ASCC1: variants seen among roughly 807,000 people sequenced by gnomAD.
ASCC1 encodes the protein ASC-1 complex subunit P50.
Under a neutral mutation model 46.6 loss-of-function variants are expected in ASCC1, and 35 were observed. The observed-to-expected ratio is 0.75, with a 90% CI of 0.57 to 0.99. The LOEUF (loss-of-function observed/expected upper bound fraction) is 0.99. ASCC1 is among the 50% of genes least tolerant of loss of function. ASCC1 has a pLI of 0.00. For missense variants in ASCC1, 376 were observed against 428.7 expected, an observed-to-expected ratio of 0.88 and a Z score of 1.09; for synonymous variants, 143 against 146.6, an observed-to-expected ratio of 0.98 and a Z score of 0.18.
chr10:72,138,846 G>A (rs143844661), intron 7 of ASCC1, among the ~76,000 whole-genome samples: 7 of 152,110 alleles, frequency 4.6e-5, no homozygotes, highest in African/African-American at 1.4e-4. Flanking sequence ...GATTACAGGC[G>A]TGAGCCACCG....
intron 9 of ASCC1, among the ~76,000 whole-genome samples, chr10:72,110,026 A>C (rs896247121): frequency 2.4e-4 from 36 of 152,170 alleles, no homozygotes; most frequent in African/African-American, 6.3e-4. Flanking sequence ...TACCTGACAA[A>C]ACTGCCCCTG....
chr10:72,215,663 C>T (rs1427434956), intron 1 of ASCC1: 1 of 152,182 alleles, frequency 6.6e-6, no homozygotes, highest in African/African-American at 2.4e-5. Flanking sequence ...GCCCTCAGAC[C>T]ACGAGCTCCG....
intron 5 of ASCC1, among the ~76,000 whole-genome samples, chr10:72,168,750 C>A (rs1417637083): frequency 1.3e-5 from 2 of 152,148 alleles, no homozygotes; most frequent in African/African-American, 2.4e-5. Flanking sequence ...TGAGAAAGCA[C>A]AGAGAAAAGG....
At chr10:72,180,143 T>C (rs1330846142) in intron 5 of ASCC1, among the ~76,000 whole-genome samples, 1 of 151,898 alleles carries the variant, frequency 6.6e-6, no homozygotes, top group African/African-American at 2.4e-5. Context: ...GCCAGGCATG[T>C]TGGCACATGC....
At chr10:72,152,659 T>C (rs1201405836) in intron 7 of ASCC1, among the ~76,000 whole-genome samples, 1 of 151,938 alleles carries the variant, frequency 6.6e-6, no homozygotes, top group Non-Finnish European at 1.5e-5. Context: ...AAGACCCCCA[T>C]CCTAAAAGTC....
rs760451244 is a variant in ASCC1 at position 72,096,365 on chromosome 10, T to G, written c.*969A>C. ...AGTCCTGCTGATATCATCAGTTTCTTTTGCTGCTGCCTTGAAAAGTAAACA... is the reference window on the plus strand; with the variant it reads ...AGTCCTGCTGATATCATCAGTTTCTGTTGCTGCTGCCTTGAAAAGTAAACA... On this transcript the variant is annotated 3_prime_UTR_variant, in exon 10 of 10. Coordinates refer to ENST00000672957, the MANE Select transcript of ASCC1 (RefSeq NM_001198800.3). The G allele has an allele frequency of 2.6e-5, 12 of 453,960 alleles. No individual in the cohort carries two copies. The highest frequency in any genetic ancestry group is 4.7e-5 in the Admixed American group (2 of 42,544). The allele number at this position is 453,960 out of a possible 1,614,324, so 28.1% of individuals were successfully genotyped here. A position where few individuals can be genotyped will look rare whatever the true frequency, so the allele number is the denominator to read the frequency against.
chr10:72,127,960 AAAAAAAAAGTAT>A (rs1845081064), intron 9 of ASCC1, 110 bp downstream of exon 9: 2 of 838,368 alleles, frequency 2.4e-6, no homozygotes, highest in Non-Finnish European at 3.9e-6. Flanking sequence ...AGATAATTAA[AAAAAAAAAGTAT>A]GAGAAAAAGT....
At chr10:72,145,075 T>C (rs1847474346) in intron 7 of ASCC1, among the ~76,000 whole-genome samples, 1 of 152,230 alleles carries the variant, frequency 6.6e-6, no homozygotes, top group Non-Finnish European at 1.5e-5. Flanking sequence ...AATTCCAGGT[T>C]GCCAGTTGTT....
At chr10:72,184,353 T>C (rs1293932317) in intron 5 of ASCC1, among the ~76,000 whole-genome samples, 1 of 151,902 alleles carries the variant, frequency 6.6e-6, no homozygotes, top group African/African-American at 2.4e-5. Context: ...AGTTAAAAGG[T>C]AGAGATGTCA....
At chr10:72,141,451 G>A (rs553411285) in intron 7 of ASCC1, among the ~76,000 whole-genome samples, 11 of 152,068 alleles carry the variant, frequency 7.2e-5, no homozygotes, top group East Asian at 1.9e-4. Context: ...TACTGTAATC[G>A]GGATCTTCAT....
intron 5 of ASCC1, among the ~76,000 whole-genome samples, chr10:72,172,719 TA>T (rs1851283552): frequency 7.2e-6 from 1 of 139,008 alleles, no homozygotes; most frequent in African/African-American, 2.6e-5. Flanking sequence ...TTATATATAA[TA>T]TTTTTATATT....
chr10:72,172,331 C>T (rs1176768490), intron 5 of ASCC1, among the ~76,000 whole-genome samples: 2 of 148,234 alleles, frequency 1.3e-5, no homozygotes, highest in Non-Finnish European at 3.0e-5. Context: ...AGGAAAATCG[C>T]TTGAACCCGG....
chr10:72,135,873 G>C lies in ASCC1; in HGVS notation c.747-2692C>G, dbSNP rs112411482. Among the ~76,000 whole-genome samples, 136 of 152,336 alleles carry C rather than the reference G, an allele frequency of 8.9e-4. 2 individuals are homozygous for C. Among genetic ancestry groups the C allele is most frequent in the African/African-American group, 3.2e-3 (132 of 41,572 alleles). ...AGTATTTGAGAGATTGAATGTCAAA[G>C]AACACAATACATTCAAGGACTGGAG... is the stretch of plus-strand genomic sequence containing the variant. On this transcript the variant is annotated intron_variant, in intron 7 of 9. Transcript: ENST00000672957.
intron 4 of ASCC1, among the ~76,000 whole-genome samples, chr10:72,200,622 C>CCAATTT (rs1239215098): frequency 6.6e-6 from 1 of 150,706 alleles, no homozygotes; most frequent in Non-Finnish European, 1.5e-5. Context: ...CAAGATCATG[C>CCAATTT]CAATGCACTC....
chr10:72,116,519 A>G (rs1843510043), intron 9 of ASCC1, among the ~76,000 whole-genome samples: 1 of 152,176 alleles, frequency 6.6e-6, no homozygotes, highest in South Asian at 2.1e-4. Flanking sequence ...TGAGGTTCCA[A>G]TTAAATATAT....
chr10:72,137,798 T>A (rs572969648), intron 7 of ASCC1, among the ~76,000 whole-genome samples: 6 of 152,204 alleles, frequency 3.9e-5, no homozygotes, highest in Admixed American at 1.3e-4. Context: ...TCAGAAAAAA[T>A]TTTCAGATAA....
At chr10:72,130,811 T>A (rs1845492008) in intron 8 of ASCC1, among the ~76,000 whole-genome samples, 1 of 152,226 alleles carries the variant, frequency 6.6e-6, no homozygotes, top group African/African-American at 2.4e-5. Flanking sequence ...ATGTGTCTAG[T>A]GGCTACCATA....
At chr10:72,126,203 C>G (rs1283234649) in intron 9 of ASCC1, among the ~76,000 whole-genome samples, 1 of 152,202 alleles carries the variant, frequency 6.6e-6, no homozygotes, top group Non-Finnish European at 1.5e-5. Context: ...GATTCAGATT[C>G]TGCTACTAAC....
rs115305597 is a variant in ASCC1 at position 72,201,513 on chromosome 10, C to T, written c.310+1914G>A. ...CAGCCTGGGCAACATAGCAAGACCC[C>T]ATCTCTACAAAAAGTATTAAAAATT... On this transcript the variant is annotated intron_variant, in intron 4 of 9. Transcript: ENST00000672957. 6.4e-3 allele frequency among the ~76,000 whole-genome samples: 964 copies of T among 150,708 alleles called. 14 individuals carry two copies. The highest frequency in any genetic ancestry group is 0.022 in the African/African-American group (917 of 41,038).
Sources: allele counts gnomAD v4.1 joint callset (sites outside exome capture counted in the v4.1 genomes callset), GRCh38; gene constraint gnomAD v4.1.1; transcripts MANE v1.5; gene names NCBI Gene and HGNC (gene_info 2026-07-23, HGNC 2026-07-21).